Variants in KNOP1 observed in about 807,000 individuals in gnomAD.
KNOP1 encodes the protein lysine-rich nucleolar protein 1.
A neutral mutation model predicts 30.6 loss-of-function variants in KNOP1; 20 were observed. That is an observed-to-expected ratio of 0.65 (90% CI 0.46 to 0.95). KNOP1 has a LOEUF of 0.95. KNOP1 is among the 40% of genes least tolerant of loss of function. The pLI, the probability that KNOP1 is intolerant of heterozygous loss-of-function variation, is 0.00. For missense variants in KNOP1, 540 were observed against 562.0 expected (o/e 0.96, Z 0.40); for synonymous variants, 204 against 210.0 (o/e 0.97, Z 0.25).
At chr16:19,715,539 C>T (rs1032894010) in intron 1 of KNOP1, among the ~76,000 whole-genome samples, 12 of 151,702 alleles carry the variant, frequency 7.9e-5, no homozygotes, top group African/African-American at 2.7e-4. Context: ...CTCAGCCTCC[C>T]CTGAGTAGCT....
Position 19,707,113 on chromosome 16 carries a change from G to T in KNOP1, c.1174C>A (p.Arg392Ser). The T allele has an allele frequency of 6.2e-7, 1 of 1,614,136 alleles. No individual in the cohort carries two copies. Among genetic ancestry groups the T allele is most frequent in the Non-Finnish European group, 8.5e-7 (1 of 1,180,014 alleles). Reference protein sequence around the residue: ...GFKNLSPSFSRPASTIARPNM... With the variant: ...GFKNLSPSFSSPASTIARPNM... ...GGCCTTGCAATCGTGCTGGCGGGGC[G>T]GCTGAACGAAGGGGACAGGTTTTTG... is the stretch of plus-strand genomic sequence containing the variant. The change falls in exon 5 of 5, where the codon CGC (arginine) becomes AGC (serine). Residue 392 changes from arginine (R) to serine (S), a missense_variant. Arg to Ser is a moderately radical substitution (Grantham distance 110, BLOSUM62 -1). Transcript: ENST00000219837.
chr16:19,708,549 G>A (rs965550009), intron 4 of KNOP1, among the ~76,000 whole-genome samples: 3 of 152,040 alleles, frequency 2.0e-5, no homozygotes, highest in African/African-American at 7.2e-5. Context: ...CCCAGTGCAC[G>A]ATGCATGGCA....
chr16:19,717,711 A>T (rs1977246445), intron 1 of KNOP1: 1 of 987,590 alleles, frequency 1.0e-6, no homozygotes, highest in Non-Finnish European at 1.2e-6. Context: ...CCTTGTGAAG[A>T]TCTTTGTGAA....
At chr16:19,711,644 T>C in intron 2 of KNOP1, 1 of 591,798 alleles carries the variant, frequency 1.7e-6, no homozygotes, top group South Asian at 2.0e-5. Flanking sequence ...AAAACAGTAG[T>C]ACTAAACTAT....
At chr16:19,708,697 TAAG>T (rs976405449) in intron 4 of KNOP1, among the ~76,000 whole-genome samples, 21 of 152,106 alleles carry the variant, frequency 1.4e-4, no homozygotes, top group Admixed American at 4.6e-4. Flanking sequence ...TTTGGGAAAA[TAAG>T]AACCAGTTGT....
chr16:19,716,059 T>A (rs1977047030), intron 1 of KNOP1, among the ~76,000 whole-genome samples: 1 of 152,166 alleles, frequency 6.6e-6, no homozygotes, highest in African/African-American at 2.4e-5. Context: ...GAGCTGGCTC[T>A]CTCTTAGCAG....
In KNOP1 at chr16:19,717,664, C is replaced by T. The variant is rs537197432; in HGVS notation, c.-3+494G>A. On this transcript the variant is annotated intron_variant, in intron 1 of 4. Coordinates refer to ENST00000219837, the MANE Select transcript of KNOP1 (RefSeq NM_001012991.3). ...ACAGTGCATCTCCTGCAAACGCAAA[C>T]GCTTTCTCCAAAACCGCTTTTAAAT... 5 of 986,200 alleles carry T rather than the reference C, an allele frequency of 5.1e-6. No homozygotes were observed. In the South Asian group the frequency reaches 2.3e-4, roughly 46 times the overall value. The allele number at this position is 986,200 out of a possible 1,614,324, so 61.1% of individuals were successfully genotyped here. A position where few individuals can be genotyped will look rare whatever the true frequency, so the allele number is the denominator to read the frequency against.
At chr16:19,716,234 T>C (rs1356497527) in intron 1 of KNOP1, among the ~76,000 whole-genome samples, 1 of 152,172 alleles carries the variant, frequency 6.6e-6, no homozygotes, top group Non-Finnish European at 1.5e-5. Flanking sequence ...AGGTGCTCAA[T>C]ACATACTCAC....
chr16:19,711,790 C>A, intron 2 of KNOP1: 1 of 326,022 alleles, frequency 3.1e-6, no homozygotes, highest in Non-Finnish European at 5.9e-6. Flanking sequence ...CACACGTCAC[C>A]TACCTCCTAC....
chr16:19,711,430 G>A lies in KNOP1; in HGVS notation c.929C>T (p.Thr310Met), dbSNP rs747025103. Residue 310 changes from threonine to methionine, a missense_variant, in exon 3 of 5, where the codon ACG (threonine) becomes ATG (methionine). Transcript: ENST00000219837. The stretch of plus-strand genomic sequence containing the variant: ...TTTTTCCAACACCACCTCTAAGTCC[G>A]TGTCTGTTTCCTGCAGGAGAGGGCA... ...AGDPWKEETD[T>M]DLEVVLEKKG... The A allele has an allele frequency of 9.9e-6, 16 of 1,613,970 alleles. No individual in the cohort carries two copies. In the Admixed American group the frequency reaches 1.2e-4, roughly 12 times the overall value.
At chr16:19,712,863 G>C (rs1976792197) in intron 2 of KNOP1, among the ~76,000 whole-genome samples, 1 of 152,210 alleles carries the variant, frequency 6.6e-6, no homozygotes, top group Non-Finnish European at 1.5e-5. Flanking sequence ...AAGGGGCTCA[G>C]CTGGGAAAGG....
rs751286698 is a variant in KNOP1, at chr16:19,714,542, G to A, written c.494C>T (p.Ser165Leu). The A allele has an allele frequency of 3.7e-5, 60 of 1,614,044 alleles. No individual in the cohort carries two copies. Among genetic ancestry groups the A allele is most frequent in the East Asian group, 1.8e-4 (8 of 44,898 alleles). ...KKGAQDPTAF[S>L]VQDPWFCEAR... ...CTCACAGAACCAAGGGTCCTGGACC[G>A]AGAAGGCTGTGGGGTCCTGGGCCCC... Residue 165 changes from serine (S) to leucine (L), a missense_variant, in exon 2 of 5, where the codon TCG becomes TTG. Coordinates refer to ENST00000219837, the MANE Select transcript of KNOP1 (RefSeq NM_001012991.3).
At chr16:19,716,612 G>C (rs1025169885) in intron 1 of KNOP1, 57 of 152,308 alleles carry the variant, frequency 3.7e-4, no homozygotes, top group African/African-American at 1.3e-3. Flanking sequence ...GGAATGTATG[G>C]GTGGTGATAA....
rs1976300740 is a variant in KNOP1, at chr16:19,704,975, T to C, written c.*1935A>G. The C allele has an allele frequency of 2.8e-6, 1 of 355,750 alleles. No homozygotes were observed. Among genetic ancestry groups the C allele is most frequent in the Non-Finnish European group, 5.6e-6 (1 of 179,534 alleles). The allele number at this position is 355,750 out of a possible 1,614,324, so 22.0% of individuals were successfully genotyped here. ...ATGGCCACTTCACCAGCATCCACTC[T>C]TCTTGACTGAAGGGAATCACCAGCC... On this transcript the variant is annotated 3_prime_UTR_variant, in exon 5 of 5. Transcript: ENST00000219837.
At position 19,705,647 on chromosome 16, in the gene KNOP1, T is replaced by C; in HGVS notation, c.*1263A>G. The C allele has an allele frequency of 4.8e-6, 1 of 209,898 alleles. No homozygotes were observed. The allele number at this position is 209,898 out of a possible 1,614,324, so 13.0% of individuals were successfully genotyped here. On this transcript the variant is annotated 3_prime_UTR_variant, in exon 5 of 5. Coordinates refer to ENST00000219837, the MANE Select transcript of KNOP1 (RefSeq NM_001012991.3). Reference sequence around the variant, plus strand: ...AGTGGCTCACACCTGTGATCCCAGCTCTTGGGGGCTGAGGCAGGAGCATGA... The same window carrying C: ...AGTGGCTCACACCTGTGATCCCAGCCCTTGGGGGCTGAGGCAGGAGCATGA...
chr16:19,718,143 C>T lies in KNOP1; in HGVS notation c.-3+15G>A, dbSNP rs1977298579. ...ACCCCGCGCCGGCCCGCCTGCAACGCGCCCTGGCACTCACCGGTGGGCGAA... is the reference window on the plus strand; with the variant it reads ...ACCCCGCGCCGGCCCGCCTGCAACGTGCCCTGGCACTCACCGGTGGGCGAA... On this transcript the variant is annotated intron_variant, in intron 1 of 4. Coordinates refer to ENST00000219837, the MANE Select transcript of KNOP1 (RefSeq NM_001012991.3). 6.9e-7 allele frequency: 1 copy of T among 1,447,530 alleles called. No homozygotes were observed. Among genetic ancestry groups the T allele is most frequent in the Non-Finnish European group, 9.0e-7 (1 of 1,106,622 alleles). The allele number at this position is 1,447,530 out of a possible 1,614,324, so 89.7% of individuals were successfully genotyped here. A position where few individuals can be genotyped will look rare whatever the true frequency, so the allele number is the denominator to read the frequency against.
rs746657304 is a variant in KNOP1, at chr16:19,710,517, T to C, written c.1057A>G (p.Lys353Glu). 3.1e-6 allele frequency: 5 copies of C among 1,612,892 alleles called. No homozygotes were observed. The East Asian group carries it at 1.1e-4, about 36-fold the overall frequency. The change falls in exon 4 of 5, where the codon AAG (lysine) becomes GAG (glutamate). Residue 353 changes from lysine (K) to glutamate (E), a missense_variant. Coordinates refer to ENST00000219837, the MANE Select transcript of KNOP1 (RefSeq NM_001012991.3). Reference sequence around the variant, plus strand: ...CCTAGCCCCAAACTTACCGTCCACTTCCTGGTTTCAGAAGCTTCCGTTTTG... The same window carrying C: ...CCTAGCCCCAAACTTACCGTCCACTCCCTGGTTTCAGAAGCTTCCGTTTTG... Reference protein sequence around the residue: ...SGKTEASETRKWTGTQFGQWD... With the variant: ...SGKTEASETREWTGTQFGQWD...
rs1976323911 is a variant in KNOP1, at chr16:19,705,603, C to T, written c.*1307G>A. 3.7e-6 allele frequency: 1 copy of T among 266,676 alleles called. No homozygotes were observed. The highest frequency in any genetic ancestry group is 7.4e-6 in the Non-Finnish European group (1 of 135,604). The allele number at this position is 266,676 out of a possible 1,614,324, so 16.5% of individuals were successfully genotyped here. A position where few individuals can be genotyped will look rare whatever the true frequency, so the allele number is the denominator to read the frequency against. ...TGATAAAAAAGAATCTCATCAGACA[C>T]ATCCCTGGGGCTGGGCACAGTGGCT... is the stretch of plus-strand genomic sequence containing the variant. On this transcript the variant is annotated 3_prime_UTR_variant, in exon 5 of 5. Transcript: ENST00000219837.
chr16:19,717,700 G>A (rs755857322), intron 1 of KNOP1: 5 of 987,354 alleles, frequency 5.1e-6, no homozygotes, highest in African/African-American at 1.7e-5. Flanking sequence ...TCCAGGGACA[G>A]CCTTGTGAAG....
Sources: gnomAD v4.1 joint callset for allele counts (sites outside exome capture counted in the v4.1 genomes callset) on GRCh38, gnomAD v4.1.1 for gene constraint, MANE v1.5 for transcripts, NCBI Gene and HGNC (gene_info 2026-07-23, HGNC 2026-07-21) for gene names.